ERBB4: variants seen among roughly 807,000 people sequenced by gnomAD.
ERBB4 encodes erb-b2 receptor tyrosine kinase 4.
ERBB4 carries 42 observed loss-of-function variants against 158.0 expected under a neutral mutation model. That is an observed-to-expected ratio of 0.27 (90% CI 0.21 to 0.34). The LOEUF is 0.34. Among genes scored for constraint, ERBB4 ranks in the 10% least tolerant of loss-of-function variants. ERBB4 has a pLI of 1.00. For missense variants in ERBB4, 1,333 were observed against 1,624.1 expected (o/e 0.82, Z 3.08); for synonymous variants, 583 against 558.7 (o/e 1.04, Z -0.61).
chr2:211,699,124 C>G (rs2073135453), intron 12 of ERBB4, among the ~76,000 whole-genome samples: 2 of 152,112 alleles, frequency 1.3e-5, no homozygotes, highest in South Asian at 4.1e-4. Context: ...CATAAGCCAA[C>G]TCCTAGATTT....
chr2:211,685,561 CCATTT>C (rs1429107895), intron 12 of ERBB4, among the ~76,000 whole-genome samples: 4 of 152,138 alleles, frequency 2.6e-5, no homozygotes, highest in Admixed American at 6.5e-5. Flanking sequence ...CTGAATATTC[CCATTT>C]CATTTGTTTC....
At chr2:211,684,248 T>C (rs1030551889) in intron 12 of ERBB4, among the ~76,000 whole-genome samples, 1 of 152,148 alleles carries the variant, frequency 6.6e-6, no homozygotes, top group African/African-American at 2.4e-5. Context: ...AGTCAGGAGT[T>C]TGAGACCAGC....
chr2:211,788,191 G>A lies in ERBB4; in HGVS notation c.422-32C>T. On this transcript the variant is annotated intron_variant, in intron 3 of 27. Transcript: ENST00000342788. ...TAAAAAACAAATAAACAAATTTTTT[G>A]TCAAACTGCTTGTTGATGAAAAGGT... 2.5e-6 allele frequency: 4 copies of A among 1,569,592 alleles called. No homozygotes were observed. The South Asian group carries it at 3.4e-5, about 13-fold the overall frequency.
Position 212,474,839 on chromosome 2 carries a change from T to TTTTTTTTTG in ERBB4, c.82+63609_82+63610insCAAAAAAAA, listed in dbSNP as rs1245995165. 1.1e-3 allele frequency among the ~76,000 whole-genome samples: 155 copies of TTTTTTTTTG among 136,192 alleles called. 10 individuals are homozygous for TTTTTTTTTG. The highest frequency in any genetic ancestry group is 4.5e-3 in the African/African-American group (134 of 29,668). The allele number at this position is 136,192 out of a possible 152,430, so 89.3% of individuals were successfully genotyped here. ...CGGCCATTCTTTTTTTTTTTTTTTT[T>TTTTTTTTTG]TGTCAAGACAAGGTCTTGCTCTATT... On this transcript the variant is annotated intron_variant, in intron 1 of 27. Coordinates refer to ENST00000342788, the MANE Select transcript of ERBB4 (RefSeq NM_005235.3).
intron 18 of ERBB4, among the ~76,000 whole-genome samples, chr2:211,621,424 A>G (rs2069597584): frequency 6.6e-6 from 1 of 152,172 alleles, no homozygotes; most frequent in African/African-American, 2.4e-5. Context: ...GTATGTCTTC[A>G]TAACAACTGA....
At chr2:211,839,670 T>C (rs2077428009) in intron 3 of ERBB4, among the ~76,000 whole-genome samples, 1 of 152,120 alleles carries the variant, frequency 6.6e-6, no homozygotes, top group South Asian at 2.1e-4. Context: ...TTTGTAAATA[T>C]ATGGTATTGG....
At chr2:211,716,172 G>C (rs892610302) in intron 7 of ERBB4, among the ~76,000 whole-genome samples, 3 of 150,110 alleles carry the variant, frequency 2.0e-5, no homozygotes, top group African/African-American at 7.4e-5. Context: ...AGACCAGCCT[G>C]ACCAACATGG....
intron 2 of ERBB4, among the ~76,000 whole-genome samples, chr2:212,000,531 C>G (rs528399551): frequency 5.9e-5 from 9 of 151,908 alleles, no homozygotes; most frequent in African/African-American, 2.2e-4. Flanking sequence ...CATTTACCCT[C>G]TGTTTTATGG....
At chr2:212,306,884 T>C (rs1440164975) in intron 1 of ERBB4, among the ~76,000 whole-genome samples, 1 of 151,458 alleles carries the variant, frequency 6.6e-6, no homozygotes, top group Non-Finnish European at 1.5e-5. Context: ...AAATTACTTA[T>C]GTCTTCTGTT....
rs2073350592 is a variant in ERBB4, at chr2:211,704,105, T to C, written c.1288A>G (p.Ser430Gly). Residue 430 changes from serine (S) to glycine (G), a missense_variant and splice_region_variant, in exon 11 of 28, where the codon AGT (serine) becomes GGT (glycine). This residue lies in a region of ERBB4 where 438 missense variants were observed against 586.9 expected (regional missense o/e 0.75). Coordinates refer to ENST00000342788, the MANE Select transcript of ERBB4 (RefSeq NM_005235.3). ...LVTIGGRVLYSGLSLLILKQQ... is the reference protein window; with the variant it reads ...LVTIGGRVLYGGLSLLILKQQ... The stretch of plus-strand genomic sequence containing the variant: ...GCAGCTTTAAACATATCCACTTACC[T>C]ATAGAGTACTCTTCCACCAATGGTC... The C allele has an allele frequency of 6.3e-7, 1 of 1,575,154 alleles. No homozygotes were observed. Among genetic ancestry groups the C allele is most frequent in the Admixed American group, 1.7e-5 (1 of 59,932 alleles).
intron 1 of ERBB4, among the ~76,000 whole-genome samples, chr2:212,367,743 A>C (rs1451568978): frequency 6.6e-6 from 1 of 152,232 alleles, no homozygotes; most frequent in East Asian, 1.9e-4. Flanking sequence ...GTAAGAAAAA[A>C]GTAAACATTC....
intron 3 of ERBB4, among the ~76,000 whole-genome samples, 190 bp downstream of exon 3, chr2:211,947,240 T>C (rs1176986948): frequency 4.6e-5 from 7 of 152,164 alleles, no homozygotes; most frequent in Non-Finnish European, 1.0e-4. Flanking sequence ...TCCTTCACAC[T>C]AAACTTACAA....
chr2:211,587,111 G>T (rs2068304708), intron 19 of ERBB4, among the ~76,000 whole-genome samples: 1 of 152,048 alleles, frequency 6.6e-6, no homozygotes, highest in African/African-American at 2.4e-5. Flanking sequence ...ACACCCTGCA[G>T]GGAGACCAAG....
intron 3 of ERBB4, among the ~76,000 whole-genome samples, chr2:211,922,347 A>G (rs2125079747): frequency 6.6e-6 from 1 of 152,318 alleles, no homozygotes; most frequent in Middle Eastern, 3.4e-3. Flanking sequence ...AGTGACGTGA[A>G]AAATTCCTGT....
At chr2:212,478,218 A>T (rs1689504831) in intron 1 of ERBB4, among the ~76,000 whole-genome samples, 2 of 152,262 alleles carry the variant, frequency 1.3e-5, no homozygotes, top group Admixed American at 1.3e-4. Context: ...CAAGAAAAAA[A>T]TTAACATTTG....
chr2:211,688,826 A>AAT (rs2072680782), intron 12 of ERBB4, among the ~76,000 whole-genome samples: 1 of 152,190 alleles, frequency 6.6e-6, no homozygotes, highest in South Asian at 2.1e-4. Flanking sequence ...TTTTAAAGAT[A>AAT]ATCTGAAAGA....
At chr2:211,452,061 T>A (rs1464961876) in intron 20 of ERBB4, among the ~76,000 whole-genome samples, 1 of 152,198 alleles carries the variant, frequency 6.6e-6, no homozygotes, top group Non-Finnish European at 1.5e-5. Context: ...TTCCAAGAAA[T>A]AGCTTTCCTC....
intron 20 of ERBB4, among the ~76,000 whole-genome samples, chr2:211,445,758 T>C (rs185190112): frequency 9.3e-4 from 142 of 152,238 alleles, no homozygotes; most frequent in African/African-American, 3.1e-3. Context: ...CTCTTAAAAC[T>C]AAATGAATAC....
At chr2:212,072,370 A>G (rs2078147435) in intron 2 of ERBB4, among the ~76,000 whole-genome samples, 1 of 151,986 alleles carries the variant, frequency 6.6e-6, no homozygotes, top group Non-Finnish European at 1.5e-5. Flanking sequence ...GTAGCGTAGA[A>G]TGATGATAGT....
Sources: gnomAD v4.1 joint callset for allele counts (sites outside exome capture counted in the v4.1 genomes callset) on GRCh38, gnomAD v4.1.1 for gene constraint, gnomAD v4.1.1 regional missense constraint, MANE v1.5 for transcripts, NCBI Gene and HGNC (gene_info 2026-07-23, HGNC 2026-07-21) for gene names.